The following PLPPR1 variants were observed in gnomAD, a reference collection of about 807,000 sequenced individuals.
The protein encoded by PLPPR1 is phospholipid phosphatase related 1.
PLPPR1 carries 10 observed loss-of-function variants against 33.1 expected under a neutral mutation model. That is an observed-to-expected ratio of 0.30 (90% CI 0.19 to 0.51). The LOEUF is 0.51. Among genes scored for constraint, PLPPR1 ranks in the 20% least tolerant of loss-of-function variants. The pLI is 0.97. For missense variants in PLPPR1, 304 were observed against 408.1 expected (o/e 0.74, Z 2.20); for synonymous variants, 151 against 151.0 (o/e 1.00, Z 0.00).
At chr9:101,223,657 G>A (rs1002069513) in intron 2 of PLPPR1, among the ~76,000 whole-genome samples, 2 of 151,938 alleles carry the variant, frequency 1.3e-5, no homozygotes, top group Non-Finnish European at 2.9e-5. Flanking sequence ...GGTTTTATAA[G>A]CATCTGGCAT....
intron 1 of PLPPR1, among the ~76,000 whole-genome samples, chr9:101,178,216 T>C (rs532415156): frequency 7.9e-5 from 12 of 152,210 alleles, no homozygotes; most frequent in Non-Finnish European, 1.8e-4. Context: ...AAAGTGGCCA[T>C]GGTGGCAAGG....
rs775567176 is a variant in PLPPR1 at position 101,269,921 on chromosome 9, C to T, written c.105C>T (p.Phe35=). Residue 35 remains phenylalanine, a synonymous_variant, in exon 3 of 8, where the codon TTC becomes TTT. Transcript: ENST00000374874. ...GGACAGTGCTGCTTGCCTACTACTTCGAATGCACTGACACTTTTCAGGTGC... is the reference window on the plus strand; with the variant it reads ...GGACAGTGCTGCTTGCCTACTACTTTGAATGCACTGACACTTTTCAGGTGC... ...MAGTVLLAYY[F]ECTDTFQVHI... is the part of the protein sequence containing the mutation. The T allele has an allele frequency of 7.4e-6, 12 of 1,614,000 alleles. No individual in the cohort carries two copies. The Middle Eastern group carries it at 4.9e-4, about 67-fold the overall frequency.
chr9:101,291,451 C>T (rs1446162604), intron 4 of PLPPR1, among the ~76,000 whole-genome samples: 6 of 152,202 alleles, frequency 3.9e-5, no homozygotes, highest in South Asian at 2.1e-4. Context: ...TCTCCCAGCA[C>T]GCAGCTGGAG....
chr9:101,160,859 A>T (rs977463848), intron 1 of PLPPR1, among the ~76,000 whole-genome samples: 7 of 152,190 alleles, frequency 4.6e-5, no homozygotes, highest in African/African-American at 7.2e-5. Flanking sequence ...TCGAAATATT[A>T]AAAAAAGAAA....
intron 1 of PLPPR1, among the ~76,000 whole-genome samples, chr9:101,093,024 G>A (rs76093866): frequency 0.013 from 2,017 of 152,268 alleles, 14 homozygotes; most frequent in Non-Finnish European, 0.02. Flanking sequence ...CCAGCTTCCA[G>A]AGAAATAAAT....
chr9:101,150,104 T>C (rs1233131636), intron 1 of PLPPR1, among the ~76,000 whole-genome samples: 2 of 152,114 alleles, frequency 1.3e-5, no homozygotes, highest in Non-Finnish European at 2.9e-5. Context: ...TTTATTTTTA[T>C]TTTCCATTTC....
chr9:101,262,494 T>C (rs1315757410), intron 2 of PLPPR1, among the ~76,000 whole-genome samples: 1 of 152,164 alleles, frequency 6.6e-6, no homozygotes, highest in Non-Finnish European at 1.5e-5. Flanking sequence ...AACAGTATCA[T>C]CAGGAAACAA....
chr9:101,285,064 A>C (rs1828369024), intron 3 of PLPPR1, among the ~76,000 whole-genome samples: 1 of 152,212 alleles, frequency 6.6e-6, no homozygotes, highest in Admixed American at 6.5e-5. Context: ...AAGCAAGGAT[A>C]ATTATGCCTG....
chr9:101,129,407 C>T (rs7030378), intron 1 of PLPPR1, among the ~76,000 whole-genome samples: 108,850 of 152,122 alleles, frequency 0.72, 39,279 homozygotes, highest in Non-Finnish European at 0.74. Flanking sequence ...ACACAAAAAC[C>T]TGTAAACAAT....
At chr9:101,206,134 A>G (rs1429353885) in intron 2 of PLPPR1, among the ~76,000 whole-genome samples, 1 of 152,226 alleles carries the variant, frequency 6.6e-6, no homozygotes, top group Admixed American at 6.5e-5. Context: ...TTTCTCAAAA[A>G]TGATGGGATT....
Position 101,324,192 on chromosome 9 carries a change from T to C in PLPPR1, c.*135T>C. 1.4e-6 allele frequency: 1 copy of C among 702,000 alleles called. No homozygotes were observed. The highest frequency in any genetic ancestry group is 2.3e-6 in the Non-Finnish European group (1 of 441,970). 43.5% of individuals were successfully genotyped at this position (702,000 alleles called of 1,614,324 possible). On this transcript the variant is annotated 3_prime_UTR_variant, in exon 8 of 8. Coordinates refer to ENST00000374874, the MANE Select transcript of PLPPR1 (RefSeq NM_207299.2). ...GTTAGAAGCTAATGTTTTGTACATT[T>C]TTTGTATGAGGAAGTGATGTAGCTT...
At chr9:101,075,464 C>T (rs1830524616) in intron 1 of PLPPR1, among the ~76,000 whole-genome samples, 1 of 152,110 alleles carries the variant, frequency 6.6e-6, no homozygotes, top group Non-Finnish European at 1.5e-5. Flanking sequence ...TTACAAATGA[C>T]ATGTGGAATA....
chr9:101,244,570 T>C (rs967521541), intron 2 of PLPPR1, among the ~76,000 whole-genome samples: 3 of 69,220 alleles, frequency 4.3e-5, no homozygotes, highest in African/African-American at 1.7e-4. Flanking sequence ...TTTTTATCTC[T>C]ATGATTTAAA....
chr9:101,085,115 A>G (rs1053602355), intron 1 of PLPPR1, among the ~76,000 whole-genome samples: 1 of 152,144 alleles, frequency 6.6e-6, no homozygotes, highest in African/African-American at 2.4e-5. Context: ...GATAGCCATG[A>G]TCTCCTGCTT....
chr9:101,233,003 C>CA (rs1268783715), intron 2 of PLPPR1, among the ~76,000 whole-genome samples: 5 of 152,020 alleles, frequency 3.3e-5, no homozygotes, highest in African/African-American at 1.2e-4. Flanking sequence ...GAAACTTCCC[C>CA]ATTCAGGTCA....
chr9:101,260,371 A>G, intron 2 of PLPPR1, among the ~76,000 whole-genome samples: 1 of 152,162 alleles, frequency 6.6e-6, no homozygotes, highest in Non-Finnish European at 1.5e-5. Flanking sequence ...TCCCAAAGGC[A>G]GCAAAAGCAG....
chr9:101,128,664 A>C (rs950608996), intron 1 of PLPPR1, among the ~76,000 whole-genome samples: 3 of 152,220 alleles, frequency 2.0e-5, no homozygotes, highest in Non-Finnish European at 4.4e-5. Flanking sequence ...GGTAGGTATT[A>C]TCAATTTCTC....
chr9:101,069,578 T>G (rs1475637269), intron 1 of PLPPR1, among the ~76,000 whole-genome samples: 1 of 152,098 alleles, frequency 6.6e-6, no homozygotes, highest in Non-Finnish European at 1.5e-5. Flanking sequence ...AACTGGAAAA[T>G]AAACTTATAC....
chr9:101,094,421 A>G (rs959319081), intron 1 of PLPPR1, among the ~76,000 whole-genome samples: 1 of 152,100 alleles, frequency 6.6e-6, no homozygotes. Flanking sequence ...ATGCACTCAA[A>G]CACGCCAGAG....
Sources: allele counts gnomAD v4.1 joint callset (sites outside exome capture counted in the v4.1 genomes callset), GRCh38; gene constraint gnomAD v4.1.1; transcripts MANE v1.5; gene names NCBI Gene and HGNC (gene_info 2026-07-23, HGNC 2026-07-21).